Variants in LRMDA observed in about 807,000 individuals in gnomAD.
LRMDA encodes the protein leucine-rich melanocyte differentiation-associated protein.
Under a neutral mutation model 29.8 loss-of-function variants are expected in LRMDA, and 18 were observed. The observed-to-expected ratio is 0.60, with a 90% CI of 0.42 to 0.90. The LOEUF (loss-of-function observed/expected upper bound fraction) is 0.90, where lower values mean the gene tolerates loss of function less well. LRMDA is among the 40% of genes least tolerant of loss of function. The probability of loss-of-function intolerance (pLI) is 0.00; values close to 1 mark genes in which losing one functional copy is unlikely to be tolerated. For synonymous variants in LRMDA, 125 were observed against 109.4 expected, an observed-to-expected ratio of 1.14 and a Z score of -0.89; for missense variants, 273 against 273.9, an observed-to-expected ratio of 1.00 and a Z score of 0.02.
intron 2 of LRMDA, among the ~76,000 whole-genome samples, chr10:75,563,076 T>C (rs1444603896): frequency 6.6e-6 from 1 of 152,142 alleles, no homozygotes; most frequent in East Asian, 1.9e-4. Flanking sequence ...AATGTTGGCC[T>C]GCCTTGCTAG....
At chr10:76,550,991 T>G (rs951431496) in intron 6 of LRMDA, among the ~76,000 whole-genome samples, 1 of 152,234 alleles carries the variant, frequency 6.6e-6, no homozygotes, top group Non-Finnish European at 1.5e-5. Context: ...TTGCTCCAGC[T>G]ACTTCTCAAG....
At chr10:76,171,339 G>A (rs547713076) in intron 5 of LRMDA, among the ~76,000 whole-genome samples, 12 of 152,236 alleles carry the variant, frequency 7.9e-5, no homozygotes, top group Non-Finnish European at 1.6e-4. Flanking sequence ...GGGTTTCACC[G>A]TGTCAGCCAG....
rs1001987228 is a variant in LRMDA at position 75,634,119 on chromosome 10, T to G, written c.131+195625T>G. On this transcript the variant is annotated intron_variant, in intron 2 of 6. Coordinates refer to ENST00000611255, the MANE Select transcript of LRMDA (RefSeq NM_001305581.2). The stretch of plus-strand genomic sequence containing the variant: ...ATTCATTTCTGATAAAATATCCCGG[T>G]AAACTAGCACTGGAGACTTAACACG... Among the ~76,000 whole-genome samples, 3 of 152,190 alleles carry G rather than the reference T, an allele frequency of 2.0e-5. No individual in the cohort carries two copies. In the South Asian group the frequency reaches 6.2e-4, roughly 32 times the overall value.
At chr10:75,805,524 A>T (rs1843836100) in intron 2 of LRMDA, among the ~76,000 whole-genome samples, 1 of 152,208 alleles carries the variant, frequency 6.6e-6, no homozygotes, top group Admixed American at 6.5e-5. Context: ...GGTGGCTAGC[A>T]AAAGTCATGA....
At chr10:76,408,865 G>A (rs1358535151) in intron 6 of LRMDA, among the ~76,000 whole-genome samples, 2 of 152,102 alleles carry the variant, frequency 1.3e-5, no homozygotes, top group Admixed American at 1.3e-4. Context: ...CTCCCCTCAT[G>A]TAGTAGTCAC....
At chr10:75,811,213 T>C (rs1048319384) in intron 2 of LRMDA, among the ~76,000 whole-genome samples, 1 of 152,184 alleles carries the variant, frequency 6.6e-6, no homozygotes. Context: ...CAACCATAGA[T>C]GGAATTTACA....
intron 2 of LRMDA, among the ~76,000 whole-genome samples, chr10:75,703,376 G>GT (rs1448818862): frequency 6.6e-6 from 1 of 152,186 alleles, no homozygotes; most frequent in Admixed American, 6.5e-5. Context: ...AGAGAGTTCC[G>GT]TTTTCTCTTC....
At chr10:76,080,785 C>T (rs2132078949) in intron 5 of LRMDA, among the ~76,000 whole-genome samples, 1 of 152,192 alleles carries the variant, frequency 6.6e-6, no homozygotes, top group South Asian at 2.1e-4. Context: ...TGAGTGTGCC[C>T]AGGGCACCAT....
chr10:75,657,306 G>A (rs1386772731), intron 2 of LRMDA, among the ~76,000 whole-genome samples: 1 of 152,250 alleles, frequency 6.6e-6, no homozygotes, highest in African/African-American at 2.4e-5. Flanking sequence ...GGCATTTGGA[G>A]TGGTCAGAAA....
At chr10:76,142,332 A>G (rs1489282554) in intron 5 of LRMDA, among the ~76,000 whole-genome samples, 1 of 152,168 alleles carries the variant, frequency 6.6e-6, no homozygotes, top group Non-Finnish European at 1.5e-5. Context: ...AAGAATTAGA[A>G]TATAGATAAT....
At chr10:75,761,694 G>T (rs559548746) in intron 2 of LRMDA, among the ~76,000 whole-genome samples, 4 of 151,800 alleles carry the variant, frequency 2.6e-5, no homozygotes, top group Non-Finnish European at 5.9e-5. Context: ...AAATTTTATG[G>T]TACGTATGTT....
chr10:75,790,106 A>C (rs1347009586), intron 2 of LRMDA, among the ~76,000 whole-genome samples: 1 of 152,212 alleles, frequency 6.6e-6, no homozygotes, highest in African/African-American at 2.4e-5. Context: ...ACACTAGTCT[A>C]GAACAAGATT....
intron 6 of LRMDA, among the ~76,000 whole-genome samples, chr10:76,477,772 G>A (rs1842691534): frequency 2.0e-5 from 3 of 152,096 alleles, no homozygotes; most frequent in African/African-American, 7.2e-5. Context: ...TCTGATCTTT[G>A]ACAAACTTGA....
At chr10:76,504,850 G>C (rs1392362330) in intron 6 of LRMDA, among the ~76,000 whole-genome samples, 1 of 152,006 alleles carries the variant, frequency 6.6e-6, no homozygotes, top group Non-Finnish European at 1.5e-5. Context: ...CATATTGTTA[G>C]CTGGTTGTTT....
rs117130694 is a variant in LRMDA, at chr10:75,763,644, G to A, written c.132-272364G>A. Among the ~76,000 whole-genome samples the A allele has an allele frequency of 3.2e-3, 486 of 151,942 alleles. 1 individual carries two copies. The highest frequency in any genetic ancestry group is 4.8e-3 in the Admixed American group (73 of 15,256). The stretch of plus-strand genomic sequence containing the variant: ...TGCAGTCTAGCTTTGTTCTAGTTTC[G>A]AAGTCTTCCTTATTTCTCCCTGCAA... On this transcript the variant is annotated intron_variant, in intron 2 of 6. Transcript: ENST00000611255.
chr10:75,613,845 G>A (rs193250219), intron 2 of LRMDA, among the ~76,000 whole-genome samples: 98 of 152,264 alleles, frequency 6.4e-4, no homozygotes, highest in African/African-American at 2.3e-3. Context: ...TAAATAAATG[G>A]TTACCCTTTG....
At chr10:75,680,073 T>G (rs1255371956) in intron 2 of LRMDA, among the ~76,000 whole-genome samples, 1 of 152,244 alleles carries the variant, frequency 6.6e-6, no homozygotes, top group Non-Finnish European at 1.5e-5. Context: ...TTTGGGGGCT[T>G]TGCCCCATTG....
At position 76,293,545 on chromosome 10, in the gene LRMDA, G is replaced by T. The variant is rs199998239; in HGVS notation, c.517-30856G>T. Among the ~76,000 whole-genome samples the T allele has an allele frequency of 3.2e-4, 48 of 152,238 alleles. No individual in the cohort carries two copies. In the East Asian group the frequency reaches 4.4e-3, roughly 14 times the overall value. ...TCATACAGGTGATTTGGCCTAGGTT[G>T]GTAGCCATAGTTTAGCTTTTACAAA... On this transcript the variant is annotated intron_variant, in intron 5 of 6. Coordinates refer to ENST00000611255, the MANE Select transcript of LRMDA (RefSeq NM_001305581.2).
intron 5 of LRMDA, among the ~76,000 whole-genome samples, chr10:76,080,298 A>T (rs1017006331): frequency 2.6e-5 from 4 of 152,182 alleles, no homozygotes; most frequent in African/African-American, 9.7e-5. Context: ...GAATATATCC[A>T]TCTTGCTTTC....
Sources: gnomAD v4.1 joint callset for allele counts (sites outside exome capture counted in the v4.1 genomes callset) on GRCh38, gnomAD v4.1.1 for gene constraint, MANE v1.5 for transcripts, NCBI Gene and HGNC (gene_info 2026-07-23, HGNC 2026-07-21) for gene names.